SYT16: variants seen among roughly 807,000 people sequenced by gnomAD.
SYT16 encodes the protein synaptotagmin 16.
A neutral mutation model predicts 61.4 loss-of-function variants in SYT16; 42 were observed. That is an observed-to-expected ratio of 0.68 (90% CI 0.53 to 0.89). SYT16 has a LOEUF of 0.89. Among genes scored for constraint, SYT16 ranks in the 40% least tolerant of loss-of-function variants. SYT16 has a pLI of 0.00. For synonymous variants in SYT16, 314 were observed against 302.3 expected, an observed-to-expected ratio of 1.04 and a Z score of -0.40; for missense variants, 804 against 807.3, an observed-to-expected ratio of 1.00 and a Z score of 0.05.
chr14:62,100,003 CTA>C (rs2057379771), intron 7 of SYT16, among the ~76,000 whole-genome samples: 2 of 152,108 alleles, frequency 1.3e-5, no homozygotes, highest in African/African-American at 4.8e-5. Flanking sequence ...AGCAATTTGA[CTA>C]TGAAAAAATC....
chr14:61,992,114 G>T (rs8005321), intron 2 of SYT16, among the ~76,000 whole-genome samples: 84,032 of 151,768 alleles, frequency 0.55, 24,202 homozygotes, highest in East Asian at 0.75. Flanking sequence ...TTATACCGAG[G>T]GAAACGTTAT....
At chr14:61,938,576 G>A (rs987163552) in intron 1 of SYT16, among the ~76,000 whole-genome samples, 2 of 152,160 alleles carry the variant, frequency 1.3e-5, no homozygotes, top group Admixed American at 6.5e-5. Flanking sequence ...CTTCCTTTGG[G>A]GGCACAGTGG....
intron 2 of SYT16, among the ~76,000 whole-genome samples, chr14:61,995,343 G>T (rs139225753): frequency 2.9e-4 from 44 of 152,192 alleles, no homozygotes; most frequent in African/African-American, 1.0e-3. Flanking sequence ...GTTTTTCAGC[G>T]ATTGCTCCCC....
rs959722302 is a variant in SYT16, at chr14:61,832,144, C to G, written c.-325+19334C>G. 8.5e-6 allele frequency: 6 copies of G among 706,052 alleles called. No individual in the cohort carries two copies. The African/African-American group carries it at 1.0e-4, about 12-fold the overall frequency. 43.7% of individuals were successfully genotyped at this position (706,052 alleles called of 1,614,324 possible). ...ATGTGATACAACTCGACTTTCCCAT[C>G]CGTGGAGCGGTTGCTCCAGGAGGCC... On this transcript the variant is annotated intron_variant, in intron 1 of 7. Transcript: ENST00000683842.
Position 62,075,391 on chromosome 14 carries a change from G to T in SYT16, c.993G>T (p.Glu331Asp), listed in dbSNP as rs2056449610. 1 of 1,596,246 alleles carries T rather than the reference G, an allele frequency of 6.3e-7. No individual in the cohort carries two copies. The highest frequency in any genetic ancestry group is 8.6e-7 in the Non-Finnish European group (1 of 1,166,334). The stretch of plus-strand genomic sequence containing the variant: ...ACAGCTCCTCCATGTGGAGTCCAGA[G>T]GCAAGTTATTTGTTTTTCATTCTTT... ...ATDSSSMWSPEEQDRTNLQVP... is the reference protein window; with the variant it reads ...ATDSSSMWSPDEQDRTNLQVP... Residue 331 changes from glutamate (E) to aspartate (D), a missense_variant and splice_region_variant, in exon 5 of 8, where the codon GAG (glutamate) becomes GAT (aspartate). Coordinates refer to ENST00000683842, the MANE Select transcript of SYT16 (RefSeq NM_001367656.1).
intron 3 of SYT16, among the ~76,000 whole-genome samples, chr14:62,042,359 T>G (rs1248705435): frequency 6.6e-6 from 1 of 152,190 alleles, no homozygotes; most frequent in African/African-American, 2.4e-5. Context: ...GTGCAAGATA[T>G]ATATAAATAT....
rs2053314185 is a variant in SYT16, at chr14:62,008,513, AG to A, written c.523+11973del. Among the ~76,000 whole-genome samples, 3 of 152,094 alleles carry A rather than the reference AG, an allele frequency of 2.0e-5. No homozygotes were observed. The South Asian group carries it at 6.2e-4, about 32-fold the overall frequency. ...CAGATTTATTTTAAAGAAGCCATCC[AG>A]GACAGAGGGAATTGAAATCCCCTAA... On this transcript the variant is annotated intron_variant, in intron 3 of 7. Transcript: ENST00000683842.
chr14:62,024,284 C>A (rs1255963586), intron 3 of SYT16, among the ~76,000 whole-genome samples: 1 of 151,920 alleles, frequency 6.6e-6, no homozygotes, highest in African/African-American at 2.4e-5. Context: ...TGTAAATATA[C>A]TTAGAAAAAT....
At chr14:61,836,194 T>G (rs903678052) in intron 1 of SYT16, among the ~76,000 whole-genome samples, 1 of 152,240 alleles carries the variant, frequency 6.6e-6, no homozygotes, top group Non-Finnish European at 1.5e-5. Context: ...CCTGTATCCT[T>G]CATACACATC....
chr14:61,927,328 A>T (rs1445923036), intron 1 of SYT16, among the ~76,000 whole-genome samples: 1 of 152,110 alleles, frequency 6.6e-6, no homozygotes, highest in Non-Finnish European at 1.5e-5. Flanking sequence ...TTTTGTCTTC[A>T]TCAGCATCCC....
At chr14:62,075,613 AAAAAAAG>A (rs2056465296) in intron 5 of SYT16, among the ~76,000 whole-genome samples, 1 of 113,456 alleles carries the variant, frequency 8.8e-6, no homozygotes, top group African/African-American at 4.3e-5. Flanking sequence ...GTAAAAAAAA[AAAAAAAG>A]AAAAAAAGAA....
intron 1 of SYT16, among the ~76,000 whole-genome samples, chr14:61,891,241 C>T (rs1561770): frequency 0.014 from 1,562 of 110,004 alleles, 13 homozygotes; most frequent in South Asian, 0.041. Flanking sequence ...TACACACACG[C>T]GCACACACAC....
intron 2 of SYT16, among the ~76,000 whole-genome samples, chr14:61,993,530 A>T (rs907235690): frequency 1.3e-5 from 2 of 152,304 alleles, no homozygotes; most frequent in African/African-American, 4.8e-5. Flanking sequence ...TTTCTGGCTT[A>T]AAAAGTTTAA....
At chr14:61,881,329 T>C (rs1394066216) in intron 1 of SYT16, among the ~76,000 whole-genome samples, 2 of 152,236 alleles carry the variant, frequency 1.3e-5, no homozygotes, top group Non-Finnish European at 2.9e-5. Flanking sequence ...ACCTTTTGAA[T>C]AAAAGTCCTA....
At chr14:61,866,204 C>T (rs1400905845) in intron 1 of SYT16, among the ~76,000 whole-genome samples, 2 of 151,818 alleles carry the variant, frequency 1.3e-5, no homozygotes, top group Admixed American at 1.3e-4. Flanking sequence ...TGGATACATG[C>T]TTTAATTTTT....
chr14:62,057,055 G>A (rs1411754979), intron 3 of SYT16, among the ~76,000 whole-genome samples: 1 of 152,178 alleles, frequency 6.6e-6, no homozygotes, highest in Non-Finnish European at 1.5e-5. Flanking sequence ...AGCCCAGGCC[G>A]TGCAAAGGCC....
intron 3 of SYT16, 106 bp downstream of exon 3, chr14:61,996,648 CTT>C (rs894552664): frequency 1.5e-6 from 2 of 1,337,980 alleles, no homozygotes; most frequent in African/African-American, 2.9e-5. Flanking sequence ...TTTTCTCTCT[CTT>C]ATACCTTCCC....
intron 1 of SYT16, among the ~76,000 whole-genome samples, chr14:61,829,440 T>C (rs1200226349): frequency 6.6e-6 from 1 of 152,138 alleles, no homozygotes; most frequent in Non-Finnish European, 1.5e-5. Flanking sequence ...AATCTCTAGA[T>C]TTATGTCTTT....
chr14:61,981,810 T>A (rs1487820053), intron 2 of SYT16, among the ~76,000 whole-genome samples: 1 of 152,210 alleles, frequency 6.6e-6, no homozygotes, highest in Non-Finnish European at 1.5e-5. Flanking sequence ...TGAGCAGCCC[T>A]GCTTTCTGAG....
Sources: allele counts gnomAD v4.1 joint callset (sites outside exome capture counted in the v4.1 genomes callset), GRCh38; gene constraint gnomAD v4.1.1; transcripts MANE v1.5; gene names NCBI Gene and HGNC (gene_info 2026-07-23, HGNC 2026-07-21).